TPO: variants seen among roughly 807,000 people sequenced by gnomAD.
TPO encodes thyroid peroxidase, also known as thyroid microsomal antigen.
In TPO, 78 loss-of-function variants were observed where a neutral mutation model predicts 96.9. That is an observed-to-expected ratio of 0.81 (90% CI 0.67 to 0.97). The LOEUF is 0.97. Among genes scored for constraint, TPO ranks in the 50% least tolerant of loss-of-function variants. TPO has a pLI of 0.00. For synonymous variants in TPO, 547 were observed against 538.0 expected (o/e 1.02, Z -0.23); for missense variants, 1,252 against 1,274.8 (o/e 0.98, Z 0.27).
At chr2:1,482,603 T>A (rs1190116241) in intron 8 of TPO, among the ~76,000 whole-genome samples, 2 of 152,168 alleles carry the variant, frequency 1.3e-5, no homozygotes, top group African/African-American at 4.8e-5. Flanking sequence ...TGCGACCAGG[T>A]AAAGAAATAC....
At chr2:1,385,567 A>AT (rs1486259528) in intron 1 of TPO, among the ~76,000 whole-genome samples, 1 of 150,768 alleles carries the variant, frequency 6.6e-6, no homozygotes, top group Non-Finnish European at 1.5e-5. Context: ...CCCCTTTATC[A>AT]TTTTTTATTG....
intron 1 of TPO, among the ~76,000 whole-genome samples, chr2:1,383,361 A>G (rs1401345118): frequency 6.6e-6 from 1 of 152,158 alleles, no homozygotes; most frequent in African/African-American, 2.4e-5. Flanking sequence ...AAGTGTTGCT[A>G]TCTCTCTACA....
At chr2:1,413,630 A>C in intron 1 of TPO, 85 bp downstream of exon 1, 1 of 976,980 alleles carries the variant, frequency 1.0e-6, no homozygotes, top group Non-Finnish European at 1.2e-6. Context: ...AGTGGCTGTA[A>C]TTTGGGCCAT....
chr2:1,399,208 C>A (rs536047259), intron 1 of TPO, among the ~76,000 whole-genome samples: 16 of 152,224 alleles, frequency 1.1e-4, no homozygotes, highest in African/African-American at 2.2e-4. Context: ...GTCCAGCCCC[C>A]CCGAGGGAGG....
In TPO at chr2:1,422,332, C is replaced by CCGCG. The variant is rs1294834624; in HGVS notation, c.95-712_95-711insGCGC. The stretch of plus-strand genomic sequence containing the variant: ...CTCCTGGACAGACCTCGTGCAGGCG[C>CCGCG]CTCTCCTGGACCGACCTCGTGCAGG... On this transcript the variant is annotated intron_variant, in intron 2 of 16. Transcript: ENST00000329066. Among the ~76,000 whole-genome samples, 296 of 135,258 alleles carry CCGCG rather than the reference C, an allele frequency of 2.2e-3. 6 individuals carry two copies. The highest frequency in any genetic ancestry group is 6.4e-3 in the African/African-American group (231 of 36,368). 88.7% of individuals were successfully genotyped at this position (135,258 alleles called of 152,430 possible).
chr2:1,432,011 T>C (rs1308004669), intron 3 of TPO, among the ~76,000 whole-genome samples: 1 of 152,264 alleles, frequency 6.6e-6, no homozygotes, highest in African/African-American at 2.4e-5. Context: ...CTAGGACCTG[T>C]CCACTCACAC....
In TPO at chr2:1,466,855, AT is replaced by A. The variant is rs200814647; in HGVS notation, c.820-10223del. ...GGTTTTTGTTTCATTTATCTTTTGT[AT>A]TTTTTTTGTTGTTGTTTCAATTTCA... On this transcript the variant is annotated intron_variant, in intron 7 of 16. Coordinates refer to ENST00000329066, the MANE Select transcript of TPO (RefSeq NM_001206744.2). Among the ~76,000 whole-genome samples the A allele has an allele frequency of 1.9e-3, 287 of 151,286 alleles. 3 individuals are homozygous for A. The East Asian group carries it at 0.037, about 19-fold the overall frequency.
At chr2:1,523,309 G>A (rs1173274982) in intron 15 of TPO, among the ~76,000 whole-genome samples, 1 of 45,678 alleles carries the variant, frequency 2.2e-5, no homozygotes, top group African/African-American at 1.0e-4. Flanking sequence ...CCCCCACTGT[G>A]AGCAACCTCC....
chr2:1,483,613 G>A (rs4927585), intron 8 of TPO, among the ~76,000 whole-genome samples: 81,830 of 152,070 alleles, frequency 0.54, 22,644 homozygotes, highest in African/African-American at 0.66. Flanking sequence ...TCGTGCAACT[G>A]CTCTCTGGGA....
chr2:1,527,480 C>T (rs1676864502), intron 15 of TPO, among the ~76,000 whole-genome samples: 1 of 148,076 alleles, frequency 6.8e-6, no homozygotes, highest in African/African-American at 2.5e-5. Context: ...TCCTCAAATC[C>T]CCCCATCTGT....
At chr2:1,525,970 T>C (rs1676372220) in intron 15 of TPO, among the ~76,000 whole-genome samples, 1 of 55,622 alleles carries the variant, frequency 1.8e-5, no homozygotes, top group African/African-American at 7.3e-5. Flanking sequence ...CCTTCCCAAA[T>C]CTCCCCACTG....
chr2:1,377,963 T>C (rs1395876454), intron 1 of TPO, among the ~76,000 whole-genome samples: 2 of 152,176 alleles, frequency 1.3e-5, no homozygotes, highest in African/African-American at 2.4e-5. Context: ...TGGTGGGAGA[T>C]AATTGAATCA....
upstream of TPO, among the ~76,000 whole-genome samples, chr2:1,408,837 T>C (rs576241835): frequency 5.0e-4 from 76 of 152,310 alleles, 1 homozygote; most frequent in East Asian, 0.011. Flanking sequence ...TTTGTCCACT[T>C]TTCCTTCTTG....
intron 7 of TPO, among the ~76,000 whole-genome samples, chr2:1,457,617 T>C (rs1460253258): frequency 6.6e-6 from 1 of 151,998 alleles, no homozygotes; most frequent in Non-Finnish European, 1.5e-5. Context: ...TATGATAGTG[T>C]GTGGGCAGAT....
At chr2:1,441,158 C>G (rs1164502032) in intron 5 of TPO, among the ~76,000 whole-genome samples, 4 of 151,928 alleles carry the variant, frequency 2.6e-5, no homozygotes, top group African/African-American at 9.7e-5. Context: ...GTGAGTGCCG[C>G]AGGAGGCAGT....
chr2:1,405,797 C>A (rs1662242288), intron 1 of TPO, among the ~76,000 whole-genome samples: 1 of 151,970 alleles, frequency 6.6e-6, no homozygotes, highest in Non-Finnish European at 1.5e-5. Context: ...AGAACTTGAC[C>A]CTAAAGAAGT....
chr2:1,421,547 C>T (rs1169101940), intron 2 of TPO, among the ~76,000 whole-genome samples: 1 of 152,042 alleles, frequency 6.6e-6, no homozygotes, highest in East Asian at 1.9e-4. Flanking sequence ...AGGTGGGGGG[C>T]GGGGCTGGTT....
chr2:1,385,428 T>G (rs1661875509), intron 1 of TPO, among the ~76,000 whole-genome samples: 1 of 152,210 alleles, frequency 6.6e-6, no homozygotes, highest in Non-Finnish European at 1.5e-5. Context: ...TCATCCTGGT[T>G]TAGTCTTGGG....
intron 3 of TPO, among the ~76,000 whole-genome samples, chr2:1,430,611 A>G (rs1240287240): frequency 1.3e-5 from 2 of 152,230 alleles, no homozygotes; most frequent in Non-Finnish European, 2.9e-5. Flanking sequence ...AAAAGCCTCA[A>G]GTGCTCAACT....
Sources: allele counts gnomAD v4.1 joint callset (sites outside exome capture counted in the v4.1 genomes callset), GRCh38; gene constraint gnomAD v4.1.1; transcripts MANE v1.5; gene names NCBI Gene and HGNC (gene_info 2026-07-23, HGNC 2026-07-21).